The following RASGRF2 variants were observed in gnomAD, a reference collection of about 807,000 sequenced individuals.
RASGRF2 encodes the protein Ras protein specific guanine nucleotide releasing factor 2.
Under a neutral mutation model 151.0 loss-of-function variants are expected in RASGRF2, and 76 were observed. That is an observed-to-expected ratio of 0.50 (90% CI 0.42 to 0.61). RASGRF2 has a LOEUF of 0.61. Ranked by LOEUF, RASGRF2 falls within the 20% of genes least tolerant of loss-of-function variation. The pLI is 0.00. For missense variants in RASGRF2, 1,148 were observed against 1,564.6 expected, an observed-to-expected ratio of 0.73 and a Z score of 4.49; for synonymous variants, 504 against 566.5, an observed-to-expected ratio of 0.89 and a Z score of 1.57.
At chr5:81,034,799 T>TG (rs1750412394) in intron 1 of RASGRF2, among the ~76,000 whole-genome samples, 4 of 44,642 alleles carry the variant, frequency 9.0e-5, no homozygotes, top group Non-Finnish European at 1.7e-4. Context: ...GGGACTGTTG[T>TG]GGGGTGGGAG....
intron 5 of RASGRF2, among the ~76,000 whole-genome samples, chr5:81,077,843 G>A (rs1751982431): frequency 6.6e-6 from 1 of 152,178 alleles, no homozygotes; most frequent in Non-Finnish European, 1.5e-5. Context: ...GGTAAATAAA[G>A]AGGCTGTGCC....
intron 12 of RASGRF2, among the ~76,000 whole-genome samples, chr5:81,106,791 G>A (rs1752858697): frequency 6.6e-6 from 1 of 152,186 alleles, no homozygotes. Flanking sequence ...CACACAGGAT[G>A]CAGCAGTTTC....
chr5:81,109,356 T>C (rs891121258), intron 13 of RASGRF2, among the ~76,000 whole-genome samples: 1 of 152,192 alleles, frequency 6.6e-6, no homozygotes, highest in Non-Finnish European at 1.5e-5. Context: ...TCAAGTTCCA[T>C]ATAAAAATTA....
intron 17 of RASGRF2, among the ~76,000 whole-genome samples, chr5:81,175,055 G>A (rs1235826230): frequency 6.6e-6 from 1 of 152,204 alleles, no homozygotes; most frequent in South Asian, 2.1e-4. Flanking sequence ...TTTTAGAAAT[G>A]GACAGACCTG....
chr5:81,021,003 C>T (rs566708271), intron 1 of RASGRF2, among the ~76,000 whole-genome samples: 2 of 152,280 alleles, frequency 1.3e-5, no homozygotes, highest in Non-Finnish European at 2.9e-5. Flanking sequence ...CCGATGTGAA[C>T]GCACCACAGA....
chr5:81,005,612 A>T (rs947074340), intron 1 of RASGRF2, among the ~76,000 whole-genome samples: 2 of 152,212 alleles, frequency 1.3e-5, no homozygotes, highest in African/African-American at 4.8e-5. Flanking sequence ...TTGTATGGAT[A>T]TACCACATTT....
At chr5:81,191,873 C>A (rs1348601105) in intron 18 of RASGRF2, among the ~76,000 whole-genome samples, 1 of 151,638 alleles carries the variant, frequency 6.6e-6, no homozygotes, top group Non-Finnish European at 1.5e-5. Flanking sequence ...AGCAAATGAT[C>A]AAATAAATAG....
intron 7 of RASGRF2, among the ~76,000 whole-genome samples, chr5:81,083,155 T>C (rs1471693871): frequency 6.6e-6 from 1 of 152,226 alleles, no homozygotes; most frequent in Non-Finnish European, 1.5e-5. Flanking sequence ...GGTATTTGAA[T>C]CCCTTGGAGG....
intron 1 of RASGRF2, among the ~76,000 whole-genome samples, chr5:81,034,816 A>AGGGGG (rs1750420246): frequency 8.5e-6 from 1 of 117,612 alleles, no homozygotes; most frequent in African/African-American, 3.6e-5. Flanking sequence ...GGAGGGGGGT[A>AGGGGG]GGGATAGCAT....
intron 17 of RASGRF2, among the ~76,000 whole-genome samples, chr5:81,174,031 A>T (rs1754718676): frequency 6.6e-6 from 1 of 152,238 alleles, no homozygotes; most frequent in Non-Finnish European, 1.5e-5. Context: ...CAATAACTGA[A>T]ACCCATATGT....
chr5:80,961,919 A>G (rs1315673996), intron 1 of RASGRF2, among the ~76,000 whole-genome samples: 1 of 152,172 alleles, frequency 6.6e-6, no homozygotes, highest in East Asian at 1.9e-4. Context: ...TATGCCCCTA[A>G]TGTTCTCATT....
chr5:80,988,266 G>T (rs1052517704), intron 1 of RASGRF2, among the ~76,000 whole-genome samples: 1 of 151,884 alleles, frequency 6.6e-6, no homozygotes, highest in Admixed American at 6.6e-5. Flanking sequence ...GCCTAGGCTG[G>T]TCTCAAACTC....
At chr5:81,219,913 G>T (rs1755822318) in intron 26 of RASGRF2, 135 bp downstream of exon 26, 1 of 536,260 alleles carries the variant, frequency 1.9e-6, no homozygotes, top group Non-Finnish European at 3.1e-6. Context: ...AAAATCTTTG[G>T]CTAGTCTGAT....
At chr5:81,113,956 A>G (rs549074796) in intron 15 of RASGRF2, 36 bp downstream of exon 15, 25 of 1,576,106 alleles carry the variant, frequency 1.6e-5, no homozygotes, top group South Asian at 1.2e-5. Flanking sequence ...TACACCCCAC[A>G]TTTGCTGGCC....
At chr5:80,980,131 A>T (rs1304520093) in intron 1 of RASGRF2, among the ~76,000 whole-genome samples, 1 of 152,188 alleles carries the variant, frequency 6.6e-6, no homozygotes, top group East Asian at 1.9e-4. Flanking sequence ...GTGATTTGAA[A>T]AAACCAAAAC....
chr5:81,146,629 A>G (rs1487644175), intron 17 of RASGRF2, among the ~76,000 whole-genome samples: 1 of 152,174 alleles, frequency 6.6e-6, no homozygotes, highest in African/African-American at 2.4e-5. Context: ...GATTTTAGAA[A>G]AGAATCCATA....
In RASGRF2 at chr5:81,207,380, C is replaced by T. The variant is rs75955038; in HGVS notation, c.3071+31C>T. On this transcript the variant is annotated intron_variant, in intron 21 of 26. Coordinates refer to ENST00000265080, the MANE Select transcript of RASGRF2 (RefSeq NM_006909.3). Reference sequence around the variant, plus strand: ...TGCCACCCCCCACAGCAGCAGGGCTCGGCTGCTCTAGCTGTCTTAGAAGTT... The same window carrying T: ...TGCCACCCCCCACAGCAGCAGGGCTTGGCTGCTCTAGCTGTCTTAGAAGTT... The T allele has an allele frequency of 3.9e-4, 612 of 1,570,596 alleles. 5 individuals carry two copies. In the East Asian group the frequency reaches 8.5e-3, roughly 22 times the overall value.
At chr5:81,009,817 C>T (rs2112311370) in intron 1 of RASGRF2, among the ~76,000 whole-genome samples, 1 of 152,220 alleles carries the variant, frequency 6.6e-6, no homozygotes, top group Middle Eastern at 3.4e-3. Flanking sequence ...GCTGGAATAG[C>T]ATTGCATATG....
At position 81,120,426 on chromosome 5, in the gene RASGRF2, T is replaced by TA. The variant is rs199843460; in HGVS notation, c.2471-3208dup. On this transcript the variant is annotated intron_variant, in intron 15 of 26. Transcript: ENST00000265080. ...ACCTTGTCTCTACTAAAAATAAAAA[T>TA]AAAAAAAATAGCCAGATGTGGCTGT... 4.8e-4 allele frequency among the ~76,000 whole-genome samples: 73 copies of TA among 151,218 alleles called. 2 individuals carry two copies. In the East Asian group the frequency reaches 0.012, roughly 25 times the overall value.
Sources: allele counts gnomAD v4.1 joint callset (sites outside exome capture counted in the v4.1 genomes callset), GRCh38; gene constraint gnomAD v4.1.1; transcripts MANE v1.5; gene names NCBI Gene and HGNC (gene_info 2026-07-23, HGNC 2026-07-21).